Variants in ZBTB8OS observed in about 807,000 individuals in gnomAD.
The protein encoded by ZBTB8OS is tRNA-splicing ligase-activating factor archease.
In ZBTB8OS, 16 loss-of-function variants were observed where a neutral mutation model predicts 29.3. That is an observed-to-expected ratio of 0.55 (90% confidence interval 0.37 to 0.83). ZBTB8OS has a LOEUF of 0.83. ZBTB8OS is among the 40% of genes least tolerant of loss of function. The pLI is 0.00. For missense variants in ZBTB8OS, 160 were observed against 196.9 expected (o/e 0.81, Z 1.12); for synonymous variants, 70 against 64.6 (o/e 1.08, Z -0.40).
intron 1 of ZBTB8OS, among the ~76,000 whole-genome samples, chr1:32,647,778 T>A (rs1378280398): frequency 6.6e-6 from 1 of 152,032 alleles, no homozygotes; most frequent in African/African-American, 2.4e-5. Context: ...AGTTCAGGGC[T>A]CCCACTGATT....
chr1:32,640,558 A>G (rs1646316463), intron 1 of ZBTB8OS, among the ~76,000 whole-genome samples: 2 of 152,200 alleles, frequency 1.3e-5, no homozygotes, highest in Admixed American at 1.3e-4. Context: ...TCCGTCATCC[A>G]GGCTGAAGTG....
At position 32,645,906 on chromosome 1, in the gene ZBTB8OS, C is replaced by G. The variant is rs562180184; in HGVS notation, c.97+4527G>C. Among the ~76,000 whole-genome samples, 14 of 152,258 alleles carry G rather than the reference C, an allele frequency of 9.2e-5. 1 individual carries two copies. The South Asian group carries it at 2.9e-3, about 32-fold the overall frequency. On this transcript the variant is annotated intron_variant, in intron 1 of 6. Coordinates refer to ENST00000468695, the MANE Select transcript of ZBTB8OS (RefSeq NM_178547.5). ...AGACCCTCTGGAAGGATATAGGGAA[C>G]CCCAGGAATACAGAGATTACATTTT...
chr1:32,633,944 C>T lies in ZBTB8OS; in HGVS notation c.244+7G>A. On this transcript the variant is annotated splice_region_variant and intron_variant, in intron 3 of 6. Coordinates refer to ENST00000468695, the MANE Select transcript of ZBTB8OS (RefSeq NM_178547.5). The stretch of plus-strand genomic sequence containing the variant: ...AACAATTTCTTCCTTGTGAATAAAT[C>T]ATTTACCTTGGGTTTCTACTTCTAC... The T allele has an allele frequency of 6.4e-7, 1 of 1,564,702 alleles. No individual in the cohort carries two copies.
chr1:32,647,074 T>C (rs1366698373), intron 1 of ZBTB8OS, among the ~76,000 whole-genome samples: 1 of 22,962 alleles, frequency 4.4e-5, no homozygotes, highest in Non-Finnish European at 1.3e-4. Flanking sequence ...AAAAAAAAAA[T>C]GCCAGGCGTG....
In ZBTB8OS at chr1:32,621,517, T is replaced by C; in HGVS notation, c.*345A>G. 4.8e-6 allele frequency: 1 copy of C among 210,226 alleles called. No homozygotes were observed. Among genetic ancestry groups the C allele is most frequent in the Non-Finnish European group, 9.3e-6 (1 of 107,616 alleles). The allele number at this position is 210,226 out of a possible 1,614,324, so 13.0% of individuals were successfully genotyped here. ...TTCTTCTTTCAACCTGGATTCAGCCTCAGGCTGCTGCTGACATCAGTGATC... is the reference window on the plus strand; with the variant it reads ...TTCTTCTTTCAACCTGGATTCAGCCCCAGGCTGCTGCTGACATCAGTGATC... On this transcript the variant is annotated 3_prime_UTR_variant, in exon 7 of 7. Transcript: ENST00000468695.
intron 1 of ZBTB8OS, among the ~76,000 whole-genome samples, chr1:32,636,765 T>A (rs758828948): frequency 4.2e-4 from 64 of 151,480 alleles, no homozygotes; most frequent in Admixed American, 1.3e-3. Flanking sequence ...CTGTCCGTCG[T>A]AGAAATGCCT....
rs542360086 is a variant in ZBTB8OS at position 32,650,439 on chromosome 1, A to G, written c.91T>C (p.Tyr31His). ...KAKYPPVNRK[Y>H]EYLDHTADVQ... ...AAGTAAGCCACCTACTCACACTCGT[A>G]CTTCCTATTGACTGGCGGATACTTG... Residue 31 changes from tyrosine (Y) to histidine (H), a missense_variant, in exon 1 of 7, where the codon TAC becomes CAC. By Grantham distance (83) the Tyr-to-His change is moderately conservative. Coordinates refer to ENST00000468695, the MANE Select transcript of ZBTB8OS (RefSeq NM_178547.5). 1 of 1,614,166 alleles carries G rather than the reference A, an allele frequency of 6.2e-7. No homozygotes were observed. The highest frequency in any genetic ancestry group is 1.1e-5 in the South Asian group (1 of 91,088).
rs1471764970 is a variant in ZBTB8OS, at chr1:32,633,955, G to A, written c.240C>T (p.Thr80=). Residue 80 remains threonine (T), a synonymous_variant, in exon 3 of 7, where the codon ACC becomes ACT. Coordinates refer to ENST00000468695, the MANE Select transcript of ZBTB8OS (RefSeq NM_178547.5). ...VEPLQTVEVE[T]QGDDLQSLLF... ...CCTTGTGAATAAATCATTTACCTTG[G>A]GTTTCTACTTCTACTGTTTGGAGGG... The A allele has an allele frequency of 1.3e-6, 2 of 1,575,452 alleles. No individual in the cohort carries two copies. The highest frequency in any genetic ancestry group is 2.7e-5 in the African/African-American group (2 of 72,780).
intron 5 of ZBTB8OS, among the ~76,000 whole-genome samples, chr1:32,629,161 A>G (rs1645348090): frequency 6.6e-6 from 1 of 151,966 alleles, no homozygotes; most frequent in Non-Finnish European, 1.5e-5. Flanking sequence ...CTGTAATCTC[A>G]GCACTTTGGG....
chr1:32,623,047 T>G (rs1482166451), intron 6 of ZBTB8OS, among the ~76,000 whole-genome samples: 1 of 152,168 alleles, frequency 6.6e-6, no homozygotes, highest in South Asian at 2.1e-4. Flanking sequence ...ACCACAGAAT[T>G]AGATGTTCTC....
Position 32,633,990 on chromosome 1 carries a change from T to C in ZBTB8OS, c.205A>G (p.Thr69Ala). The C allele has an allele frequency of 6.3e-7, 1 of 1,593,680 alleles. No homozygotes were observed. Among genetic ancestry groups the C allele is most frequent in the Non-Finnish European group, 8.5e-7 (1 of 1,175,248 alleles). ...TCTACTGTTTGGAGGGGCTCCACTG[T>C]CCCAGTATCTGTCATGTAACCAAAC... Reference protein sequence around the residue: ...AMFGYMTDTGTVEPLQTVEVE... With the variant: ...AMFGYMTDTGAVEPLQTVEVE... The change falls in exon 3 of 7, where the codon ACA becomes GCA. Residue 69 changes from threonine (T) to alanine (A), a missense_variant. Transcript: ENST00000468695.
intron 5 of ZBTB8OS, among the ~76,000 whole-genome samples, chr1:32,629,832 A>T (rs1003226640): frequency 1.4e-5 from 2 of 145,730 alleles, no homozygotes; most frequent in Non-Finnish European, 3.0e-5. Flanking sequence ...GGCTCACTGC[A>T]ACCTCTGCCT....
At chr1:32,627,117 C>T (rs1645184434) in intron 6 of ZBTB8OS, among the ~76,000 whole-genome samples, 1 of 152,080 alleles carries the variant, frequency 6.6e-6, no homozygotes. Context: ...ACTCCTGTTC[C>T]AATAGATTTT....
chr1:32,631,924 G>A lies in ZBTB8OS; in HGVS notation c.328-45C>T, dbSNP rs570616847. ...TTTTAATTAAAAAAAGTTCATAATA[G>A]ACTATCTACTAAAAATCTTTTTGTT... On this transcript the variant is annotated intron_variant, in intron 4 of 6. Coordinates refer to ENST00000468695, the MANE Select transcript of ZBTB8OS (RefSeq NM_178547.5). 4 of 950,994 alleles carry A rather than the reference G, an allele frequency of 4.2e-6. No individual in the cohort carries two copies. In the Admixed American group the frequency reaches 1.4e-4, roughly 33 times the overall value. The allele number at this position is 950,994 out of a possible 1,614,324, so 58.9% of individuals were successfully genotyped here.
chr1:32,621,961 T>G lies in ZBTB8OS; in HGVS notation c.418-13A>C, dbSNP rs1364714039. ...TGACTTCTGTTCCCTAAAGTTGGGGTTAGAGAAAAAAAAAAAAAAAAGGAA... is the reference window on the plus strand; with the variant it reads ...TGACTTCTGTTCCCTAAAGTTGGGGGTAGAGAAAAAAAAAAAAAAAAGGAA... On this transcript the variant is annotated splice_polypyrimidine_tract_variant and intron_variant, in intron 6 of 6. Coordinates refer to ENST00000468695, the MANE Select transcript of ZBTB8OS (RefSeq NM_178547.5). 4 of 1,505,940 alleles carry G rather than the reference T, an allele frequency of 2.7e-6. No homozygotes were observed. The African/African-American group carries it at 5.8e-5, about 22-fold the overall frequency. 93.3% of individuals were successfully genotyped at this position (1,505,940 alleles called of 1,614,324 possible).
intron 1 of ZBTB8OS, among the ~76,000 whole-genome samples, chr1:32,643,485 T>C (rs1646594733): frequency 6.6e-6 from 1 of 151,780 alleles, no homozygotes; most frequent in African/African-American, 2.4e-5. Context: ...CTTGACCTCC[T>C]GGGCTCAAGA....
intron 1 of ZBTB8OS, among the ~76,000 whole-genome samples, chr1:32,649,631 A>C (rs1647136201): frequency 6.1e-5 from 1 of 16,408 alleles, no homozygotes; most frequent in Non-Finnish European, 3.5e-4. Context: ...CCCATCTCTA[A>C]AAACACACAC....
intron 1 of ZBTB8OS, among the ~76,000 whole-genome samples, chr1:32,635,722 T>C (rs1395162818): frequency 1.3e-5 from 2 of 152,120 alleles, no homozygotes; most frequent in Non-Finnish European, 2.9e-5. Context: ...GTGAAAGAAA[T>C]CGGACCTAAC....
At chr1:32,638,230 C>CTTTTTTTTT (rs760775116) in intron 1 of ZBTB8OS, among the ~76,000 whole-genome samples, 3 of 102,152 alleles carry the variant, frequency 2.9e-5, no homozygotes, top group Non-Finnish European at 5.7e-5. Context: ...CTCCAGAATT[C>CTTTTTTTTT]TTTTTTTTTT....
Sources: allele counts gnomAD v4.1 joint callset (sites outside exome capture counted in the v4.1 genomes callset), GRCh38; gene constraint gnomAD v4.1.1; transcripts MANE v1.5; gene names NCBI Gene and HGNC (gene_info 2026-07-23, HGNC 2026-07-21).